Variants in C12orf56 observed in about 807,000 individuals in gnomAD.
C12orf56 encodes the protein chromosome 12 open reading frame 56, also known as uncharacterized protein C12orf56.
Under a neutral mutation model 69.9 loss-of-function variants are expected in C12orf56, and 71 were observed. The ratio of observed to expected loss-of-function variants is 1.02; its 90% CI spans 0.84 to 1.24. The LOEUF is 1.24. Ranked by LOEUF, C12orf56 falls within the 50% of genes most tolerant of loss-of-function variation. The pLI is 0.00. For missense variants in C12orf56, 732 were observed against 738.5 expected (o/e 0.99, Z 0.10); for synonymous variants, 276 against 274.1 (o/e 1.01, Z -0.07).
intron 1 of C12orf56, among the ~76,000 whole-genome samples, chr12:64,361,801 C>T (rs1378150755): frequency 2.0e-5 from 3 of 151,852 alleles, no homozygotes; most frequent in East Asian, 1.9e-4. Context: ...GGCACAATCT[C>T]GGCTCACCGC....
chr12:64,299,265 T>A (rs1449508276), intron 6 of C12orf56, among the ~76,000 whole-genome samples: 1 of 152,194 alleles, frequency 6.6e-6, no homozygotes, highest in Non-Finnish European at 1.5e-5. Context: ...GTTGCTTTGA[T>A]AAGCTTAAGG....
intron 1 of C12orf56, among the ~76,000 whole-genome samples, chr12:64,377,999 G>C (rs904627584): frequency 3.3e-5 from 5 of 152,168 alleles, no homozygotes; most frequent in Non-Finnish European, 7.3e-5. Flanking sequence ...TAAATTCTCT[G>C]TAATTCAGGT....
At chr12:64,342,193 G>A (rs61931512) in intron 2 of C12orf56, among the ~76,000 whole-genome samples, 43,340 of 152,068 alleles carry the variant, frequency 0.29, 6,439 homozygotes, top group Admixed American at 0.37. Flanking sequence ...AGCTTCTTCT[G>A]GCAGTCCCTG....
intron 2 of C12orf56, among the ~76,000 whole-genome samples, chr12:64,345,017 T>A (rs1309076838): frequency 6.6e-6 from 1 of 152,198 alleles, no homozygotes; most frequent in African/African-American, 2.4e-5. Context: ...GATCCAACTC[T>A]ATGTTCCTTC....
At chr12:64,368,961 C>G (rs544341790) in intron 1 of C12orf56, among the ~76,000 whole-genome samples, 1 of 152,212 alleles carries the variant, frequency 6.6e-6, no homozygotes, top group Non-Finnish European at 1.5e-5. Context: ...TAAACAGAGT[C>G]CTTCAGGCTG....
At chr12:64,278,980 T>G (rs905363726) in intron 8 of C12orf56, among the ~76,000 whole-genome samples, 1 of 152,262 alleles carries the variant, frequency 6.6e-6, no homozygotes, top group African/African-American at 2.4e-5. Context: ...TTCCATTGTG[T>G]ATATGTACCA....
chr12:64,267,250 G>A lies in C12orf56; in HGVS notation c.1802C>T (p.Pro601Leu). 6.2e-7 allele frequency: 1 copy of A among 1,612,294 alleles called. No individual in the cohort carries two copies. Among genetic ancestry groups the A allele is most frequent in the South Asian group, 1.1e-5 (1 of 90,432 alleles). The change falls in exon 13 of 13, where the codon CCA becomes CTA. Residue 601 changes from proline to leucine, a missense_variant. Physicochemically the swap from Pro to Leu is moderately conservative, Grantham distance 98. Coordinates refer to ENST00000543942, the MANE Select transcript of C12orf56 (RefSeq NM_001170633.2). ...IHMPALQKRL[P>L]LCYPITQPTI... ...AGGTTGAGTGATGGGGTAACACAAT[G>A]GGAGCCTTTTCTGCAAGGCTGGCAT...
chr12:64,295,725 A>G (rs2038356584), intron 6 of C12orf56, among the ~76,000 whole-genome samples: 1 of 151,780 alleles, frequency 6.6e-6, no homozygotes, highest in African/African-American at 2.4e-5. Context: ...CAAGAAAATT[A>G]AAAAATAAAG....
intron 6 of C12orf56, among the ~76,000 whole-genome samples, chr12:64,294,678 G>A (rs1489720196): frequency 6.6e-6 from 1 of 152,110 alleles, no homozygotes; most frequent in Non-Finnish European, 1.5e-5. Context: ...TGGGTTGCAG[G>A]GGTGGGATGG....
In C12orf56 at chr12:64,368,044, T is replaced by C. The variant is rs1243573841; in HGVS notation, c.253-14988A>G. Reference sequence around the variant, plus strand: ...GCTGGTCTCAAACTCCTGACCTCAGTTGATCCACCCGCCTCAGCCTCCCAA... The same window carrying C: ...GCTGGTCTCAAACTCCTGACCTCAGCTGATCCACCCGCCTCAGCCTCCCAA... On this transcript the variant is annotated intron_variant, in intron 1 of 12. Transcript: ENST00000543942. Among the ~76,000 whole-genome samples the C allele has an allele frequency of 3.3e-5, 5 of 151,498 alleles. No homozygotes were observed. In the East Asian group the frequency reaches 7.9e-4, roughly 24 times the overall value.
At chr12:64,349,357 A>C (rs1282983377) in intron 2 of C12orf56, among the ~76,000 whole-genome samples, 1 of 152,216 alleles carries the variant, frequency 6.6e-6, no homozygotes. Flanking sequence ...ATAATCAAAA[A>C]ATCAATAGAT....
chr12:64,363,959 C>G (rs1359452113), intron 1 of C12orf56, among the ~76,000 whole-genome samples: 1 of 151,908 alleles, frequency 6.6e-6, no homozygotes, highest in Non-Finnish European at 1.5e-5. Context: ...TTGCAAAATG[C>G]TGTCTTCGTT....
chr12:64,318,722 C>T lies in C12orf56; in HGVS notation c.747G>A (p.Glu249=), dbSNP rs1217941974. 8 of 1,537,070 alleles carry T rather than the reference C, an allele frequency of 5.2e-6. No individual in the cohort carries two copies. In the Admixed American group the frequency reaches 5.9e-5, roughly 11 times the overall value. Residue 249 remains glutamate, a synonymous_variant, in exon 4 of 13, where the codon GAG becomes GAA. Transcript: ENST00000543942. ...CTAAGAGGGAATTTCCTAAGTAAAA[C>T]TCATTTCCATTCCCATTGCACTTGA... The part of the protein sequence containing the change: ...IPFKCNGNGN[E]FYLGNSLLDS...
At position 64,266,550 on chromosome 12, in the gene C12orf56, C is replaced by G. The variant is rs986727155; in HGVS notation, c.*633G>C. 1.6e-4 allele frequency: 49 copies of G among 302,180 alleles called. No homozygotes were observed. Among genetic ancestry groups the G allele is most frequent in the African/African-American group, 1.1e-3 (48 of 45,310 alleles). The allele number at this position is 302,180 out of a possible 1,614,324, so 18.7% of individuals were successfully genotyped here. On this transcript the variant is annotated 3_prime_UTR_variant, in exon 13 of 13. Coordinates refer to ENST00000543942, the MANE Select transcript of C12orf56 (RefSeq NM_001170633.2). ...TGTAATTCCAGAAGTGGCGTGGATG[C>G]GCCAGGCCCTGCTGGTGGTGGACAT...
intron 5 of C12orf56, among the ~76,000 whole-genome samples, chr12:64,311,369 C>T (rs2038613562): frequency 6.6e-6 from 1 of 151,254 alleles, no homozygotes; most frequent in Non-Finnish European, 1.5e-5. Context: ...GCCAAGATCG[C>T]TCCACTGCAT....
intron 3 of C12orf56, among the ~76,000 whole-genome samples, chr12:64,319,922 G>A (rs1237840863): frequency 2.0e-5 from 3 of 152,072 alleles, no homozygotes; most frequent in Non-Finnish European, 4.4e-5. Context: ...CTGTCTTTTT[G>A]TCTGTTTGTT....
At chr12:64,329,795 T>C (rs1373035555) in intron 3 of C12orf56, among the ~76,000 whole-genome samples, 10 of 150,390 alleles carry the variant, frequency 6.6e-5, no homozygotes, top group African/African-American at 1.5e-4. Context: ...TTTGTTCTTG[T>C]GATAGTTTAC....
At chr12:64,320,880 A>G (rs2038763642) in intron 3 of C12orf56, among the ~76,000 whole-genome samples, 1 of 152,202 alleles carries the variant, frequency 6.6e-6, no homozygotes, top group Non-Finnish European at 1.5e-5. Flanking sequence ...ACCTCAGTCA[A>G]TAATGAAGTA....
At chr12:64,307,852 A>AATT (rs1565748107) in intron 5 of C12orf56, among the ~76,000 whole-genome samples, 18 of 148,044 alleles carry the variant, frequency 1.2e-4, no homozygotes, top group African/African-American at 4.0e-4. Context: ...ATAAATAAAT[A>AATT]AATTAATTAA....
Sources: gnomAD v4.1 joint callset for allele counts (sites outside exome capture counted in the v4.1 genomes callset) on GRCh38, gnomAD v4.1.1 for gene constraint, MANE v1.5 for transcripts, NCBI Gene and HGNC (gene_info 2026-07-23, HGNC 2026-07-21) for gene names.